TANGO6: variants seen among roughly 807,000 people sequenced by gnomAD.
The protein encoded by TANGO6 is transport and Golgi organization protein 6 homolog.
A neutral mutation model predicts 114.2 loss-of-function variants in TANGO6; 90 were observed. That is an observed-to-expected ratio of 0.79 (90% CI 0.66 to 0.94). The LOEUF (loss-of-function observed/expected upper bound fraction) is 0.94, where lower values mean the gene tolerates loss of function less well. Ranked by LOEUF, TANGO6 falls within the 40% of genes least tolerant of loss-of-function variation. TANGO6 has a pLI of 0.00. For synonymous variants in TANGO6, 477 were observed against 509.8 expected, an observed-to-expected ratio of 0.94 and a Z score of 0.87; for missense variants, 1,274 against 1,315.3, an observed-to-expected ratio of 0.97 and a Z score of 0.49.
chr16:69,030,259 A>T (rs1959573488), intron 16 of TANGO6, among the ~76,000 whole-genome samples: 1 of 152,046 alleles, frequency 6.6e-6, no homozygotes, highest in Admixed American at 6.6e-5. Context: ...GGGCATGGGT[A>T]ATCTGGTGGA....
chr16:68,907,238 C>T (rs1962864602), intron 9 of TANGO6, among the ~76,000 whole-genome samples: 1 of 151,916 alleles, frequency 6.6e-6, no homozygotes, highest in Non-Finnish European at 1.5e-5. Context: ...TGAGCCACCG[C>T]GCCTGGCCCA....
intron 16 of TANGO6, among the ~76,000 whole-genome samples, chr16:69,039,786 A>G (rs1431390927): frequency 6.6e-6 from 1 of 152,226 alleles, no homozygotes; most frequent in African/African-American, 2.4e-5. Flanking sequence ...GACATGCTGA[A>G]GAAGATCAGT....
At chr16:68,995,074 G>C (rs188312105) in intron 15 of TANGO6, among the ~76,000 whole-genome samples, 1 of 152,192 alleles carries the variant, frequency 6.6e-6, no homozygotes, top group Non-Finnish European at 1.5e-5. Flanking sequence ...GTTTCTTTTT[G>C]TTTAATAAGT....
chr16:68,989,520 A>T (rs937880597), intron 15 of TANGO6, among the ~76,000 whole-genome samples: 1 of 151,752 alleles, frequency 6.6e-6, no homozygotes, highest in African/African-American at 2.4e-5. Context: ...TTAGAAGTGT[A>T]TTTTCCTTTA....
chr16:69,031,924 A>G (rs1959600610), intron 16 of TANGO6, among the ~76,000 whole-genome samples: 1 of 151,902 alleles, frequency 6.6e-6, no homozygotes, highest in Non-Finnish European at 1.5e-5. Context: ...CAGCCTGCCA[A>G]AGTGCTGGGA....
intron 17 of TANGO6, among the ~76,000 whole-genome samples, chr16:69,073,915 A>C: frequency 6.6e-6 from 1 of 151,406 alleles, no homozygotes; most frequent in East Asian, 1.9e-4. Flanking sequence ...AGATCATGCC[A>C]TTCACTGCTC....
intron 17 of TANGO6, among the ~76,000 whole-genome samples, chr16:69,072,839 G>A (rs1355663654): frequency 5.9e-5 from 9 of 152,046 alleles, no homozygotes; most frequent in Non-Finnish European, 1.0e-4. Context: ...CTACCCACAC[G>A]GAGAAAGAGC....
intron 17 of TANGO6, among the ~76,000 whole-genome samples, chr16:69,049,916 A>C (rs1959922270): frequency 6.6e-6 from 1 of 152,136 alleles, no homozygotes; most frequent in Admixed American, 6.6e-5. Context: ...TCAGAGCTTA[A>C]TGTTTGCAGC....
At chr16:68,908,707 A>G (rs1397210210) in intron 10 of TANGO6, among the ~76,000 whole-genome samples, 2 of 152,302 alleles carry the variant, frequency 1.3e-5, no homozygotes, top group South Asian at 2.1e-4. Flanking sequence ...ATCTTAGAGG[A>G]AAAGAGCTGT....
At chr16:68,929,750 G>A (rs1165574554) in intron 13 of TANGO6, among the ~76,000 whole-genome samples, 1 of 152,108 alleles carries the variant, frequency 6.6e-6, no homozygotes, top group African/African-American at 2.4e-5. Context: ...AAATTTACAA[G>A]ATTTTCAAAA....
intron 1 of TANGO6, among the ~76,000 whole-genome samples, chr16:68,856,210 C>T (rs1246663480): frequency 1.3e-5 from 2 of 152,154 alleles, no homozygotes; most frequent in African/African-American, 2.4e-5. Context: ...TTTACTTCAC[C>T]ACTAAGTATG....
At chr16:69,056,790 A>T (rs1233618617) in intron 17 of TANGO6, among the ~76,000 whole-genome samples, 1 of 152,052 alleles carries the variant, frequency 6.6e-6, no homozygotes, top group Admixed American at 6.6e-5. Flanking sequence ...GCAAGTTACC[A>T]GTTACAGTAA....
intron 10 of TANGO6, among the ~76,000 whole-genome samples, chr16:68,907,956 A>G (rs959053666): frequency 6.6e-6 from 1 of 152,152 alleles, no homozygotes; most frequent in African/African-American, 2.4e-5. Context: ...TTGTTTTGTC[A>G]GGTATTTGCA....
intron 1 of TANGO6, among the ~76,000 whole-genome samples, chr16:68,853,276 T>TA (rs76691613): frequency 2.4e-3 from 253 of 106,956 alleles, no homozygotes; most frequent in South Asian, 5.5e-3. Flanking sequence ...AGACTCTGTC[T>TA]AAAAAAAAAA....
At chr16:69,063,015 G>A (rs1045985628) in intron 17 of TANGO6, among the ~76,000 whole-genome samples, 2 of 151,628 alleles carry the variant, frequency 1.3e-5, no homozygotes, top group African/African-American at 4.8e-5. Flanking sequence ...ATTGTTTGAG[G>A]TCAAGAGTTC....
chr16:69,080,628 G>A (rs1025455534), intron 17 of TANGO6, among the ~76,000 whole-genome samples: 2 of 152,178 alleles, frequency 1.3e-5, no homozygotes, highest in Non-Finnish European at 2.9e-5. Flanking sequence ...GTCTTCATAT[G>A]AATGATGTCC....
chr16:68,933,558 C>T (rs990760826), intron 14 of TANGO6, among the ~76,000 whole-genome samples: 1 of 152,198 alleles, frequency 6.6e-6, no homozygotes, highest in Non-Finnish European at 1.5e-5. Flanking sequence ...GGTCTCAGGC[C>T]AGCTGTGGTA....
intron 4 of TANGO6, among the ~76,000 whole-genome samples, chr16:68,869,978 G>A (rs1417713557): frequency 6.6e-6 from 1 of 152,204 alleles, no homozygotes. Flanking sequence ...GATAGGCTGA[G>A]TTCAGGATGT....
chr16:69,014,525 A>T (rs1235774890), intron 15 of TANGO6, among the ~76,000 whole-genome samples: 1 of 152,126 alleles, frequency 6.6e-6, no homozygotes, highest in Non-Finnish European at 1.5e-5. Flanking sequence ...AAATTAATGT[A>T]CTGTTTGTAA....
Sources: gnomAD v4.1 joint callset for allele counts (sites outside exome capture counted in the v4.1 genomes callset) on GRCh38, gnomAD v4.1.1 for gene constraint, MANE v1.5 for transcripts, NCBI Gene and HGNC (gene_info 2026-07-23, HGNC 2026-07-21) for gene names.